MAP2: variants seen among roughly 807,000 people sequenced by gnomAD.
MAP2 encodes the protein microtubule-associated protein 2.
MAP2 carries 14 observed loss-of-function variants against 137.6 expected under a neutral mutation model. That is an observed-to-expected ratio of 0.10 (90% confidence interval 0.07 to 0.16). The LOEUF is 0.16. Among genes scored for constraint, MAP2 ranks in the 10% least tolerant of loss-of-function variants. The pLI is 1.00. For synonymous variants in MAP2, 786 were observed against 782.3 expected (o/e 1.00, Z -0.08); for missense variants, 2,088 against 2,191.5 (o/e 0.95, Z 0.94).
At position 209,693,125 on chromosome 2, in the gene MAP2, G is replaced by A; in HGVS notation, c.955G>A (p.Gly319Arg). The A allele has an allele frequency of 6.2e-7, 1 of 1,612,136 alleles. No homozygotes were observed. Among genetic ancestry groups the A allele is most frequent in the Non-Finnish European group, 8.5e-7 (1 of 1,179,344 alleles). The change falls in exon 8 of 16, where the codon GGG becomes AGG. Residue 319 changes from glycine to arginine, a missense_variant. Coordinates refer to ENST00000682079, the MANE Select transcript of MAP2 (RefSeq NM_001375505.1). ...FDSPMPSPFQ[G>R]GSFTLPLDVM... ...TTCTCCCATGCCAAGTCCCTTTCAA[G>A]GGGGAAGCTTCACTCTTCCTTTAGA...
chr2:209,622,522 GCTTGGATCATTGT>G (rs1480952913), intron 3 of MAP2, among the ~76,000 whole-genome samples: 1 of 152,124 alleles, frequency 6.6e-6, no homozygotes, highest in African/African-American at 2.4e-5. Context: ...TATATGAAGT[GCTTGGATCATTGT>G]CTAGCACACA....
intron 13 of MAP2, among the ~76,000 whole-genome samples, chr2:209,720,711 G>A (rs1271324380): frequency 1.3e-5 from 2 of 149,338 alleles, no homozygotes; most frequent in South Asian, 2.1e-4. Context: ...AAAATTTTGC[G>A]CAATTATTAT....
At chr2:209,654,379 T>C (rs2095003168) in intron 5 of MAP2, among the ~76,000 whole-genome samples, 1 of 152,190 alleles carries the variant, frequency 6.6e-6, no homozygotes, top group Non-Finnish European at 1.5e-5. Context: ...CCAACCTGAT[T>C]CCAGGGTTTG....
chr2:209,517,863 T>C (rs2062739172), intron 2 of MAP2, among the ~76,000 whole-genome samples: 1 of 92,336 alleles, frequency 1.1e-5, no homozygotes, highest in South Asian at 3.8e-4. Context: ...ACCAAACAGA[T>C]TTTTTTTTTA....
At chr2:209,552,351 A>G (rs1184060791) in intron 2 of MAP2, among the ~76,000 whole-genome samples, 1 of 152,088 alleles carries the variant, frequency 6.6e-6, no homozygotes, top group Non-Finnish European at 1.5e-5. Context: ...ATCTGCTTCT[A>G]TTTTTAAACA....
chr2:209,693,211 A>G lies in MAP2; in HGVS notation c.1041A>G (p.Pro347=), dbSNP rs555978846. The G allele has an allele frequency of 6.2e-7, 1 of 1,612,924 alleles. No individual in the cohort carries two copies. Among genetic ancestry groups the G allele is most frequent in the African/African-American group, 1.3e-5 (1 of 74,894 alleles). ...CCTTTGCCCCTGCCTTTTTACAGCC[A>G]GATGACAAAAAATCTCTGCAACAAA... ...TSPFAPAFLQ[P]DDKKSLQQTS... Residue 347 remains proline (P), a synonymous_variant, in exon 8 of 16, where the codon CCA becomes CCG. Transcript: ENST00000682079.
intron 4 of MAP2, among the ~76,000 whole-genome samples, chr2:209,629,233 A>G (rs947775135): frequency 3.9e-5 from 6 of 152,208 alleles, no homozygotes; most frequent in African/African-American, 1.4e-4. Flanking sequence ...CACATTCAAC[A>G]TAGTTTAGAT....
intron 2 of MAP2, among the ~76,000 whole-genome samples, chr2:209,510,763 GA>G (rs1464501336): frequency 6.6e-6 from 1 of 152,020 alleles, no homozygotes; most frequent in South Asian, 2.1e-4. Flanking sequence ...ATAGAATGAC[GA>G]GGTAATGTTA....
chr2:209,694,369 C>T lies in MAP2; in HGVS notation c.2199C>T (p.Thr733=). 2 of 1,613,994 alleles carry T rather than the reference C, an allele frequency of 1.2e-6. No individual in the cohort carries two copies. Among genetic ancestry groups the T allele is most frequent in the Non-Finnish European group, 8.5e-7 (1 of 1,179,978 alleles). ...DLSPLASDIL[T]NTSGSMDEGD... Reference sequence around the variant, plus strand: ...CTCCTCTGGCTTCCGATATTCTAACCAACACTAGTGGAAGTATGGATGAAG... The same window carrying T: ...CTCCTCTGGCTTCCGATATTCTAACTAACACTAGTGGAAGTATGGATGAAG... Residue 733 remains threonine (T), a synonymous_variant, in exon 8 of 16, where the codon ACC becomes ACT. Coordinates refer to ENST00000682079, the MANE Select transcript of MAP2 (RefSeq NM_001375505.1).
chr2:209,487,233 T>G (rs2058503252), intron 1 of MAP2, among the ~76,000 whole-genome samples: 1 of 152,204 alleles, frequency 6.6e-6, no homozygotes, highest in Admixed American at 6.5e-5. Context: ...AGCCTCTGAC[T>G]CAGAGAAGTG....
At chr2:209,671,321 A>G (rs897117616) in intron 5 of MAP2, among the ~76,000 whole-genome samples, 2 of 151,970 alleles carry the variant, frequency 1.3e-5, no homozygotes, top group Non-Finnish European at 2.9e-5. Context: ...TCATCAGTTG[A>G]TTACAGGAAA....
At chr2:209,433,425 C>G (rs1193659426) in intron 1 of MAP2, among the ~76,000 whole-genome samples, 1 of 152,078 alleles carries the variant, frequency 6.6e-6, no homozygotes, top group African/African-American at 2.4e-5. Context: ...TGGAGTCCAA[C>G]AGACACGGTA....
At chr2:209,474,808 A>G (rs916504399) in intron 1 of MAP2, among the ~76,000 whole-genome samples, 3 of 152,094 alleles carry the variant, frequency 2.0e-5, no homozygotes, top group Non-Finnish European at 1.5e-5. Context: ...CTATATGCAT[A>G]CATATATGCA....
chr2:209,541,372 A>T (rs1577601641), intron 2 of MAP2, among the ~76,000 whole-genome samples: 1 of 151,300 alleles, frequency 6.6e-6, no homozygotes, highest in East Asian at 1.9e-4. Context: ...AGTCTTGTTG[A>T]TGAAGGGTCT....
chr2:209,594,134 G>GAAAAAAA (rs555177048), intron 3 of MAP2, among the ~76,000 whole-genome samples: 1 of 81,476 alleles, frequency 1.2e-5, no homozygotes, highest in Non-Finnish European at 2.5e-5. Flanking sequence ...GGTAACAGAT[G>GAAAAAAA]AAAAAAAAAA....
chr2:209,559,376 G>C (rs556099629), intron 2 of MAP2, among the ~76,000 whole-genome samples: 1 of 148,602 alleles, frequency 6.7e-6, no homozygotes, highest in South Asian at 2.2e-4. Flanking sequence ...GCTCACACCT[G>C]TAATCCCAGC....
At chr2:209,557,697 G>A (rs2071012247) in intron 2 of MAP2, among the ~76,000 whole-genome samples, 1 of 152,190 alleles carries the variant, frequency 6.6e-6, no homozygotes, top group African/African-American at 2.4e-5. Context: ...GCTTAGATTA[G>A]GTCCTGTTTT....
chr2:209,679,563 T>G (rs1328436730), intron 6 of MAP2, among the ~76,000 whole-genome samples: 2 of 152,116 alleles, frequency 1.3e-5, no homozygotes, highest in Admixed American at 1.3e-4. Flanking sequence ...TTTCCCTCTC[T>G]TACAGTCTAA....
intron 2 of MAP2, among the ~76,000 whole-genome samples, chr2:209,512,747 T>G (rs537148529): frequency 4.3e-4 from 66 of 152,252 alleles, no homozygotes; most frequent in African/African-American, 1.6e-3. Context: ...GCTCAAGTGA[T>G]TCTCCTGCCT....
Sources: gnomAD v4.1 joint callset for allele counts (sites outside exome capture counted in the v4.1 genomes callset) on GRCh38, gnomAD v4.1.1 for gene constraint, MANE v1.5 for transcripts, NCBI Gene and HGNC (gene_info 2026-07-23, HGNC 2026-07-21) for gene names.